PRKG1: variants seen among roughly 807,000 people sequenced by gnomAD.
The protein encoded by PRKG1 is cGMP-dependent protein kinase 1.
PRKG1 carries 35 observed loss-of-function variants against 88.1 expected under a neutral mutation model. The ratio of observed to expected loss-of-function variants is 0.40; its 90% CI spans 0.30 to 0.53. PRKG1 has a LOEUF of 0.53. PRKG1 is among the 20% of genes least tolerant of loss of function. PRKG1 has a pLI of 0.59. For synonymous variants in PRKG1, 303 were observed against 292.5 expected, an observed-to-expected ratio of 1.04 and a Z score of -0.37; for missense variants, 540 against 839.8, an observed-to-expected ratio of 0.64 and a Z score of 4.41.
chr10:51,323,899 T>C (rs1236540245), intron 2 of PRKG1, among the ~76,000 whole-genome samples: 3 of 152,178 alleles, frequency 2.0e-5, no homozygotes, highest in Middle Eastern at 6.8e-3. Flanking sequence ...CTACAGTGAG[T>C]TATAAGCACA....
intron 7 of PRKG1, among the ~76,000 whole-genome samples, chr10:52,094,133 TGAAA>T (rs1233885007): frequency 6.6e-6 from 1 of 152,174 alleles, no homozygotes; most frequent in Non-Finnish European, 1.5e-5. Context: ...AATAGATTAA[TGAAA>T]GAACTGTCTT....
In PRKG1 at chr10:52,131,844, A is replaced by AAAAAAAAAC. The variant is rs764532999; in HGVS notation, c.936-1994_936-1993insAAAAAACAA. ...AAAAAAAAAAAAAAAAAAAAAAAAAAAAGAGGCCAGTTTGGCCAAAAGGCA... is the reference window on the plus strand; with the variant it reads ...AAAAAAAAAAAAAAAAAAAAAAAAAAAAAAAAAACAAGAGGCCAGTTTGGCCAAAAGGCA... On this transcript the variant is annotated intron_variant, in intron 7 of 17. Coordinates refer to ENST00000373980, the MANE Select transcript of PRKG1 (RefSeq NM_006258.4). Among the ~76,000 whole-genome samples, 329 of 117,214 alleles carry AAAAAAAAAC rather than the reference A, an allele frequency of 2.8e-3. 25 individuals carry two copies. Among genetic ancestry groups the AAAAAAAAAC allele is most frequent in the Middle Eastern group, 9.3e-3 (2 of 216 alleles). The allele number at this position is 117,214 out of a possible 152,430, so 76.9% of individuals were successfully genotyped here.
intron 5 of PRKG1, among the ~76,000 whole-genome samples, chr10:52,051,870 G>T (rs1261397900): frequency 3.9e-5 from 6 of 152,118 alleles, no homozygotes; most frequent in Non-Finnish European, 8.8e-5. Context: ...GATGAGTCAT[G>T]CCACCTCTCC....
rs200075949 is a variant in PRKG1 at position 51,852,209 on chromosome 10, A to ATG, written c.698+47523_698+47524dup. On this transcript the variant is annotated intron_variant, in intron 4 of 17. Coordinates refer to ENST00000373980, the MANE Select transcript of PRKG1 (RefSeq NM_006258.4). ...AAGTTTAGGCAAACCTAAGTTTTAT[A>ATG]TGTGTATATATATATATATACACAC... 6.6e-3 allele frequency among the ~76,000 whole-genome samples: 941 copies of ATG among 141,992 alleles called. 12 individuals carry two copies. The highest frequency in any genetic ancestry group is 0.025 in the African/African-American group (882 of 34,680). The allele number at this position is 141,992 out of a possible 152,430, so 93.2% of individuals were successfully genotyped here.
chr10:51,522,900 T>G lies in PRKG1; in HGVS notation c.592+55064T>G, dbSNP rs771161247. Among the ~76,000 whole-genome samples, 812 of 151,760 alleles carry G rather than the reference T, an allele frequency of 5.4e-3. 7 individuals are homozygous for G. The highest frequency in any genetic ancestry group is 0.018 in the African/African-American group (765 of 41,560). ...GGTGTGAAGGCTTTTAGATTATTAC[T>G]GTATTTATTAAAAACCAAGGGAGAC... On this transcript the variant is annotated intron_variant, in intron 3 of 17. Coordinates refer to ENST00000373980, the MANE Select transcript of PRKG1 (RefSeq NM_006258.4).
chr10:51,715,592 C>A (rs1841866299), intron 3 of PRKG1, among the ~76,000 whole-genome samples: 1 of 152,088 alleles, frequency 6.6e-6, no homozygotes, highest in African/African-American at 2.4e-5. Context: ...ACAGTCTAAG[C>A]AATAAACATC....
At chr10:51,657,579 A>G (rs558591952) in intron 3 of PRKG1, among the ~76,000 whole-genome samples, 2 of 152,300 alleles carry the variant, frequency 1.3e-5, no homozygotes, top group South Asian at 4.1e-4. Flanking sequence ...GTAAAGTGCC[A>G]TCAGCATTCT....
chr10:51,957,124 G>GCTTTCTTT (rs146554859), intron 5 of PRKG1, among the ~76,000 whole-genome samples: 47 of 108,748 alleles, frequency 4.3e-4, no homozygotes, highest in African/African-American at 1.6e-3. Context: ...TTTCTTTCCT[G>GCTTTCTTT]CTTTCTTTCT....
intron 5 of PRKG1, among the ~76,000 whole-genome samples, chr10:51,923,551 T>C (rs938798880): frequency 2.0e-5 from 3 of 151,304 alleles, no homozygotes; most frequent in Non-Finnish European, 4.4e-5. Context: ...ATTTCTTTTT[T>C]TTTTTAACAT....
intron 7 of PRKG1, among the ~76,000 whole-genome samples, chr10:52,106,960 T>A (rs1847442001): frequency 3.3e-5 from 5 of 152,114 alleles, no homozygotes; most frequent in Admixed American, 3.3e-4. Flanking sequence ...ACAGCTGATC[T>A]TGTCACATTT....
At chr10:52,266,600 C>T (rs1289052747) in intron 10 of PRKG1, among the ~76,000 whole-genome samples, 1 of 151,964 alleles carries the variant, frequency 6.6e-6, no homozygotes, top group East Asian at 1.9e-4. Context: ...CTTCTCAAAT[C>T]CTTACTCATC....
chr10:51,585,202 T>G (rs1218413446), intron 3 of PRKG1, among the ~76,000 whole-genome samples: 1 of 152,124 alleles, frequency 6.6e-6, no homozygotes, highest in African/African-American at 2.4e-5. Flanking sequence ...TACTGTCTTC[T>G]TCATAATCAC....
At chr10:51,644,187 A>G (rs1286570260) in intron 3 of PRKG1, among the ~76,000 whole-genome samples, 1 of 152,326 alleles carries the variant, frequency 6.6e-6, no homozygotes, top group South Asian at 2.1e-4. Context: ...GACATAGTTT[A>G]ACATGTTTTT....
intron 3 of PRKG1, among the ~76,000 whole-genome samples, chr10:51,502,333 C>T (rs994348479): frequency 1.3e-5 from 2 of 152,126 alleles, no homozygotes; most frequent in Non-Finnish European, 2.9e-5. Context: ...GGCATTGCAG[C>T]ATAGGTTCTT....
At chr10:51,334,193 ACTC>A (rs1841815994) in intron 2 of PRKG1, among the ~76,000 whole-genome samples, 1 of 123,628 alleles carries the variant, frequency 8.1e-6, no homozygotes, top group Non-Finnish European at 1.7e-5. Flanking sequence ...TCTCTCTCTC[ACTC>A]ACACACACAT....
chr10:52,187,232 T>A (rs1400362137), intron 9 of PRKG1, among the ~76,000 whole-genome samples: 1 of 152,158 alleles, frequency 6.6e-6, no homozygotes, highest in South Asian at 2.1e-4. Context: ...AAATACTTCA[T>A]CTCAGTTTGC....
intron 12 of PRKG1, among the ~76,000 whole-genome samples, chr10:52,275,890 C>T (rs1253910401): frequency 6.6e-6 from 1 of 151,968 alleles, no homozygotes; most frequent in Non-Finnish European, 1.5e-5. Flanking sequence ...GGTCTTTCAA[C>T]TTCTTGGTTA....
intron 5 of PRKG1, among the ~76,000 whole-genome samples, chr10:52,013,173 C>T (rs986867996): frequency 1.3e-5 from 2 of 151,906 alleles, no homozygotes; most frequent in African/African-American, 4.8e-5. Context: ...AATCCCAGCA[C>T]TTTGGGAAGC....
intron 9 of PRKG1, among the ~76,000 whole-genome samples, chr10:52,162,520 G>T (rs1838303218): frequency 6.6e-6 from 1 of 151,922 alleles, no homozygotes; most frequent in Non-Finnish European, 1.5e-5. Flanking sequence ...AGCTTTTTCT[G>T]CAAAATTATT....
Sources: gnomAD v4.1 joint callset for allele counts (sites outside exome capture counted in the v4.1 genomes callset) on GRCh38, gnomAD v4.1.1 for gene constraint, MANE v1.5 for transcripts, NCBI Gene and HGNC (gene_info 2026-07-23, HGNC 2026-07-21) for gene names.